Variants in PARD3B observed in about 807,000 individuals in gnomAD.
The protein encoded by PARD3B is partitioning defective 3 homolog B.
PARD3B carries 103 observed loss-of-function variants against 130.2 expected under a neutral mutation model. The observed-to-expected ratio is 0.79, with a 90% CI of 0.67 to 0.93. PARD3B has a LOEUF of 0.93. PARD3B is among the 40% of genes least tolerant of loss of function. PARD3B has a pLI of 0.00. For missense variants in PARD3B, 1,609 were observed against 1,499.2 expected (o/e 1.07, Z -1.21); for synonymous variants, 583 against 553.2 (o/e 1.05, Z -0.76).
At chr2:204,994,756 G>A (rs1316729194) in intron 3 of PARD3B, among the ~76,000 whole-genome samples, 1 of 144,786 alleles carries the variant, frequency 6.9e-6, no homozygotes, top group Non-Finnish European at 1.5e-5. Flanking sequence ...TTATGAATCT[G>A]GGTGCTCCTG....
At chr2:205,512,696 T>C (rs1404803458) in intron 21 of PARD3B, among the ~76,000 whole-genome samples, 1 of 152,196 alleles carries the variant, frequency 6.6e-6, no homozygotes, top group African/African-American at 2.4e-5. Flanking sequence ...TTGGTGTATG[T>C]GTGTATCTTT....
rs2040608558 is a variant in PARD3B at position 205,268,732 on chromosome 2, G to T, written c.2185+22910G>T. Among the ~76,000 whole-genome samples, 1 of 152,126 alleles carries T rather than the reference G, an allele frequency of 6.6e-6. No homozygotes were observed. Among genetic ancestry groups the T allele is most frequent in the Non-Finnish European group, 1.5e-5 (1 of 68,022 alleles). ...ATGAAGTATAATTTTGAGGAATATA[G>T]TGCCAATTTGACAGAAGAGACTTCT... On this transcript the variant is annotated intron_variant, in intron 16 of 22. Coordinates refer to ENST00000406610, the MANE Select transcript of PARD3B (RefSeq NM_001302769.2). This position sits in a 1 kb window ranked among gnomAD's most constrained non-coding sequence, Gnocchi z 4.1.
chr2:205,586,460 G>A (rs1325036561), intron 22 of PARD3B, among the ~76,000 whole-genome samples: 1 of 152,158 alleles, frequency 6.6e-6, no homozygotes, highest in Non-Finnish European at 1.5e-5. Flanking sequence ...GTTGGGAAGA[G>A]ATTACTGGAG....
chr2:204,862,784 C>A (rs6726885), intron 2 of PARD3B, among the ~76,000 whole-genome samples: 1 of 152,074 alleles, frequency 6.6e-6, no homozygotes. Context: ...GTCACACGAC[C>A]AGGAAAGATT....
At chr2:205,298,201 GA>G (rs2041864073) in intron 16 of PARD3B, among the ~76,000 whole-genome samples, 1 of 152,162 alleles carries the variant, frequency 6.6e-6, no homozygotes, top group South Asian at 2.1e-4. Context: ...GGCTTTCTCA[GA>G]TAGTTTTCAT....
chr2:204,832,221 G>A (rs2043852546), intron 2 of PARD3B, among the ~76,000 whole-genome samples: 1 of 151,760 alleles, frequency 6.6e-6, no homozygotes, highest in African/African-American at 2.4e-5. Flanking sequence ...GCGAGACTCT[G>A]TCTCAAAAAA....
At chr2:205,359,501 C>T (rs2044312370) in intron 18 of PARD3B, among the ~76,000 whole-genome samples, 2 of 152,136 alleles carry the variant, frequency 1.3e-5, no homozygotes, top group South Asian at 2.1e-4. Context: ...GTTCATGGCT[C>T]TATCGTCATT....
chr2:205,371,553 C>G (rs1234029044), intron 18 of PARD3B, among the ~76,000 whole-genome samples: 1 of 152,138 alleles, frequency 6.6e-6, no homozygotes, highest in African/African-American at 2.4e-5. Context: ...GTGTACCTAT[C>G]TATATATTCC....
chr2:205,334,826 G>C (rs895623649), intron 18 of PARD3B, among the ~76,000 whole-genome samples: 8 of 152,154 alleles, frequency 5.3e-5, no homozygotes, highest in Non-Finnish European at 8.8e-5. Flanking sequence ...CAAAGTGAAG[G>C]ACAAAGCATA....
intron 3 of PARD3B, among the ~76,000 whole-genome samples, chr2:204,978,432 TG>T (rs1419871781): frequency 6.6e-6 from 1 of 152,190 alleles, no homozygotes; most frequent in Non-Finnish European, 1.5e-5. Context: ...CTTTTCTATT[TG>T]TATTCAGACA....
At chr2:205,047,477 A>T in intron 3 of PARD3B, 104 bp from the exon 4 acceptor site, 1 of 601,944 alleles carries the variant, frequency 1.7e-6, no homozygotes, top group Non-Finnish European at 2.8e-6. Flanking sequence ...GAATGTTTTT[A>T]CATAAAAGCC....
chr2:204,977,003 T>C (rs1172564535), intron 3 of PARD3B, among the ~76,000 whole-genome samples: 1 of 152,178 alleles, frequency 6.6e-6, no homozygotes, highest in African/African-American at 2.4e-5. Flanking sequence ...TTTTCACGAA[T>C]TTAGATTCTG....
chr2:205,615,135 G>A (rs901595488), intron 22 of PARD3B, among the ~76,000 whole-genome samples: 13 of 152,178 alleles, frequency 8.5e-5, no homozygotes, highest in Admixed American at 6.5e-5. Context: ...ATGCACCAAT[G>A]TGAATGGAAG....
intron 4 of PARD3B, among the ~76,000 whole-genome samples, chr2:205,101,287 A>G (rs1702770288): frequency 6.6e-6 from 1 of 152,214 alleles, no homozygotes; most frequent in Non-Finnish European, 1.5e-5. Context: ...GATGAATACA[A>G]TAAATTAAAA....
At chr2:204,555,159 C>T (rs1232223552) in intron 1 of PARD3B, among the ~76,000 whole-genome samples, 3 of 152,150 alleles carry the variant, frequency 2.0e-5, no homozygotes, top group Non-Finnish European at 4.4e-5. Flanking sequence ...AAGTCCTCTC[C>T]ACTAAGGGAA....
intron 14 of PARD3B, among the ~76,000 whole-genome samples, chr2:205,189,490 A>G (rs2036277115): frequency 6.6e-6 from 1 of 152,120 alleles, no homozygotes; most frequent in African/African-American, 2.4e-5. Context: ...CACGGCCTTT[A>G]TCTAAGACAT....
chr2:205,545,674 G>T (rs2052350069), intron 21 of PARD3B, among the ~76,000 whole-genome samples: 1 of 141,006 alleles, frequency 7.1e-6, no homozygotes, highest in African/African-American at 2.6e-5. Flanking sequence ...TGGCTTGGAG[G>T]ACATAAATTA....
At chr2:205,279,012 AG>A (rs2041068543) in intron 16 of PARD3B, among the ~76,000 whole-genome samples, 1 of 140,944 alleles carries the variant, frequency 7.1e-6, no homozygotes, top group South Asian at 2.5e-4. Context: ...CGGAGCTTGC[AG>A]TGAGCCAAGA....
At chr2:205,256,889 C>T (rs2040109898) in intron 16 of PARD3B, among the ~76,000 whole-genome samples, 1 of 152,038 alleles carries the variant, frequency 6.6e-6, no homozygotes, top group South Asian at 2.1e-4. Context: ...AAGGCTTAAC[C>T]ATGAGACCTG....
Sources: allele counts gnomAD v4.1 joint callset (sites outside exome capture counted in the v4.1 genomes callset), GRCh38; gene constraint gnomAD v4.1.1; non-coding constraint Gnocchi (gnomAD v3.1); transcripts MANE v1.5; gene names NCBI Gene and HGNC (gene_info 2026-07-23, HGNC 2026-07-21).